The following SEC24D variants were observed in gnomAD, a reference collection of about 807,000 sequenced individuals.
SEC24D encodes the protein protein transport protein Sec24D.
Under a neutral mutation model 116.9 loss-of-function variants are expected in SEC24D, and 69 were observed. The observed-to-expected ratio is 0.59, with a 90% confidence interval of 0.49 to 0.72. The LOEUF (loss-of-function observed/expected upper bound fraction) is 0.72, where lower values mean the gene tolerates loss of function less well. Among genes scored for constraint, SEC24D ranks in the 30% least tolerant of loss-of-function variants. SEC24D has a pLI of 0.00. For synonymous variants in SEC24D, 405 were observed against 442.8 expected (o/e 0.91, Z 1.07); for missense variants, 1,131 against 1,264.1 (o/e 0.89, Z 1.60).
chr4:118,822,562 G>A (rs1318271038), intron 3 of SEC24D, among the ~76,000 whole-genome samples: 1 of 152,018 alleles, frequency 6.6e-6, no homozygotes, highest in Non-Finnish European at 1.5e-5. Context: ...TGAGATGCCT[G>A]GAAGTTTACA....
chr4:118,822,031 C>T (rs1357013308), intron 3 of SEC24D, among the ~76,000 whole-genome samples: 1 of 152,122 alleles, frequency 6.6e-6, no homozygotes, highest in Non-Finnish European at 1.5e-5. Context: ...TCAAGAGATT[C>T]CTGAGCTGTC....
intron 7 of SEC24D, among the ~76,000 whole-genome samples, chr4:118,800,547 T>G (rs1329437083): frequency 6.6e-6 from 1 of 152,194 alleles, no homozygotes; most frequent in Non-Finnish European, 1.5e-5. Flanking sequence ...CAGAAGAAAT[T>G]ACTGTGTAGG....
intron 8 of SEC24D, among the ~76,000 whole-genome samples, chr4:118,782,474 G>T (rs968029135): frequency 3.3e-5 from 5 of 152,176 alleles, no homozygotes; most frequent in Non-Finnish European, 5.9e-5. Flanking sequence ...TCCTCTGGAA[G>T]CTTCGTCCCA....
At chr4:118,776,975 G>T (rs1488323213) in intron 8 of SEC24D, among the ~76,000 whole-genome samples, 1 of 152,096 alleles carries the variant, frequency 6.6e-6, no homozygotes, top group African/African-American at 2.4e-5. Flanking sequence ...AATAAGCCCA[G>T]AGGCAAACTA....
intron 8 of SEC24D, among the ~76,000 whole-genome samples, chr4:118,782,311 C>G (rs1728451996): frequency 6.6e-6 from 1 of 152,198 alleles, no homozygotes; most frequent in African/African-American, 2.4e-5. Context: ...CTATTCCTTT[C>G]TGTTTGTTAG....
chr4:118,817,201 C>T (rs1389802119), intron 4 of SEC24D, 63 bp downstream of exon 4: 1 of 1,354,020 alleles, frequency 7.4e-7, no homozygotes, highest in Non-Finnish European at 1.0e-6. Context: ...TGAAGAAAAC[C>T]TCTCTCATTA....
At chr4:118,825,680 AAAGAG>A in intron 2 of SEC24D, 1 of 417,002 alleles carries the variant, frequency 2.4e-6, no homozygotes, top group Non-Finnish European at 4.6e-6. Flanking sequence ...AGAAAGAAAA[AAAGAG>A]AAAAGAAAAA....
chr4:118,803,413 C>T (rs1384150307), intron 7 of SEC24D, among the ~76,000 whole-genome samples: 1 of 152,152 alleles, frequency 6.6e-6, no homozygotes, highest in Non-Finnish European at 1.5e-5. Context: ...CAACCCTCCC[C>T]TCCCCCATCT....
chr4:118,830,317 CTT>C (rs893640056), intron 2 of SEC24D, among the ~76,000 whole-genome samples: 1 of 152,226 alleles, frequency 6.6e-6, no homozygotes. Context: ...AATCTCAGCA[CTT>C]TGCGAGGCCA....
chr4:118,785,915 C>T lies in SEC24D; in HGVS notation c.1041+11768G>A, dbSNP rs150941317. Among the ~76,000 whole-genome samples, 376 of 151,998 alleles carry T rather than the reference C, an allele frequency of 2.5e-3. 1 individual carries two copies. The highest frequency in any genetic ancestry group is 8.7e-3 in the African/African-American group (359 of 41,452). On this transcript the variant is annotated intron_variant, in intron 8 of 22. Coordinates refer to ENST00000280551, the MANE Select transcript of SEC24D (RefSeq NM_014822.4). ...CTCTTTCTTGTATATAGCAGACACC[C>T]AAAATCAAGATAAGATTAAAATAAA... is the stretch of plus-strand genomic sequence containing the variant.
At position 118,810,128 on chromosome 4, in the gene SEC24D, GT is replaced by G. The variant is rs1560737232; in HGVS notation, c.802-4175del. On this transcript the variant is annotated intron_variant, in intron 6 of 22. Transcript: ENST00000280551. ...TGTGTGTGTGTGTGTGTGTGTGTGT[GT>G]GTGTGTGTCAGAGGGTATAGGGGAG... Among the ~76,000 whole-genome samples the G allele has an allele frequency of 1.4e-3, 174 of 125,076 alleles. 7 individuals carry two copies. Among genetic ancestry groups the G allele is most frequent in the Admixed American group, 7.8e-3 (82 of 10,570 alleles). The allele number at this position is 125,076 out of a possible 152,430, so 82.1% of individuals were successfully genotyped here.
Position 118,805,838 on chromosome 4 carries a change from A to G in SEC24D, c.913+5T>C. The G allele has an allele frequency of 6.6e-7, 1 of 1,505,708 alleles. No homozygotes were observed. The highest frequency in any genetic ancestry group is 1.4e-5 in the African/African-American group (1 of 69,426). 93.3% of individuals were successfully genotyped at this position (1,505,708 alleles called of 1,614,324 possible). A position where few individuals can be genotyped will look rare whatever the true frequency, so the allele number is the denominator to read the frequency against. On this transcript the variant is annotated splice_donor_5th_base_variant and intron_variant, in intron 7 of 22. Coordinates refer to ENST00000280551, the MANE Select transcript of SEC24D (RefSeq NM_014822.4). Reference sequence around the variant, plus strand: ...TTAATAAATGGCATAATTAAAAACAAATACCTTGGTCTTGTATCATGCAAT... The same window carrying G: ...TTAATAAATGGCATAATTAAAAACAGATACCTTGGTCTTGTATCATGCAAT...
chr4:118,795,085 C>T (rs1729114011), intron 8 of SEC24D, among the ~76,000 whole-genome samples: 1 of 151,638 alleles, frequency 6.6e-6, no homozygotes, highest in African/African-American at 2.4e-5. Context: ...CATTGTATGC[C>T]CTTTTCATCT....
At chr4:118,758,260 T>G (rs1251559127) in intron 10 of SEC24D, among the ~76,000 whole-genome samples, 1 of 152,200 alleles carries the variant, frequency 6.6e-6, no homozygotes. Flanking sequence ...ATAGTGTTTG[T>G]TTTTGAAACT....
intron 7 of SEC24D, among the ~76,000 whole-genome samples, chr4:118,803,500 C>G (rs1729541072): frequency 6.6e-6 from 1 of 152,146 alleles, no homozygotes; most frequent in African/African-American, 2.4e-5. Context: ...CAGGCTGGGT[C>G]AGTTATCTGG....
chr4:118,810,851 C>T (rs927616815), intron 6 of SEC24D, among the ~76,000 whole-genome samples: 1 of 152,128 alleles, frequency 6.6e-6, no homozygotes, highest in African/African-American at 2.4e-5. Context: ...ACTTCTAACA[C>T]TAGGTAGTCA....
Position 118,745,073 on chromosome 4 carries a change from A to AC in SEC24D, c.1708-14_1708-13insG. On this transcript the variant is annotated splice_polypyrimidine_tract_variant and intron_variant, in intron 13 of 22. Transcript: ENST00000280551. ...GACAGTCTGCTGCCTAAAAAAAAAA[A>AC]AAAACCCAAAAACCCACAGAAAATG... 1.4e-6 allele frequency: 2 copies of AC among 1,428,158 alleles called. No individual in the cohort carries two copies. The highest frequency in any genetic ancestry group is 1.9e-6 in the Non-Finnish European group (2 of 1,036,456). The allele number at this position is 1,428,158 out of a possible 1,614,324, so 88.5% of individuals were successfully genotyped here.
intron 11 of SEC24D, 50 bp downstream of exon 11, chr4:118,757,665 AATAAAT>A (rs1467704971): frequency 6.5e-7 from 1 of 1,532,798 alleles, no homozygotes; most frequent in African/African-American, 1.4e-5. Context: ...TCTTCTGGCC[AATAAAT>A]TAATTAGGCA....
chr4:118,831,257 G>A (rs1730844136), intron 2 of SEC24D, among the ~76,000 whole-genome samples: 1 of 152,076 alleles, frequency 6.6e-6, no homozygotes, highest in Non-Finnish European at 1.5e-5. Context: ...TCAAACTCCG[G>A]GCCTCAAGTG....
Sources: allele counts gnomAD v4.1 joint callset (sites outside exome capture counted in the v4.1 genomes callset), GRCh38; gene constraint gnomAD v4.1.1; transcripts MANE v1.5; gene names NCBI Gene and HGNC (gene_info 2026-07-23, HGNC 2026-07-21).